SPDYE10: variants seen among roughly 807,000 people sequenced by gnomAD.
SPDYE10 encodes the protein speedy protein E10.
the SPDYE10 span, among the ~76,000 whole-genome samples, chr7:73,152,053 C>T: frequency 2.8e-5 from 4 of 142,702 alleles, no homozygotes; most frequent in Non-Finnish European, 4.5e-5. Flanking sequence ...CTCATTCTGT[C>T]GCCCAGGCTG....
chr7:73,152,040 A>T, the SPDYE10 span, among the ~76,000 whole-genome samples: 1 of 147,086 alleles, frequency 6.8e-6, no homozygotes. Context: ...TTTGAGGCAG[A>T]ATCTCATTCT....
At chr7:73,124,113 A>G in the SPDYE10 span, among the ~76,000 whole-genome samples, 9 of 147,606 alleles carry the variant, frequency 6.1e-5, no homozygotes, top group East Asian at 1.2e-3. Flanking sequence ...CTTCCTGTCC[A>G]TATCTGGCCT....
At chr7:73,128,086 G>T in the SPDYE10 span, among the ~76,000 whole-genome samples, 1 of 151,978 alleles carries the variant, frequency 6.6e-6, no homozygotes, top group African/African-American at 2.4e-5. Context: ...CAGGAGACTG[G>T]ATAAACAAAG....
the SPDYE10 span, among the ~76,000 whole-genome samples, chr7:73,145,037 G>A: frequency 8.0e-6 from 1 of 124,534 alleles, no homozygotes; most frequent in South Asian, 2.6e-4. Flanking sequence ...GAATTAATGA[G>A]TTAATATAAT....
the SPDYE10 span, chr7:73,154,900 A>AT: frequency 6.4e-6 from 1 of 156,022 alleles, no homozygotes; most frequent in Non-Finnish European, 1.4e-5. Context: ...GCGCATGCGC[A>AT]GCGGGGACCG....
the SPDYE10 span, among the ~76,000 whole-genome samples, chr7:73,142,946 G>GA: frequency 1.1e-3 from 158 of 141,814 alleles, no homozygotes; most frequent in African/African-American, 3.9e-3. Context: ...AAAAAAGAGA[G>GA]AGAGGGAGGG....
the SPDYE10 span, among the ~76,000 whole-genome samples, chr7:73,137,702 A>C: frequency 4.7e-5 from 1 of 21,080 alleles, no homozygotes. Flanking sequence ...AGGGGAAGGG[A>C]AAGGGAGGGG....
the SPDYE10 span, among the ~76,000 whole-genome samples, chr7:73,113,720 C>T: frequency 4.6e-5 from 7 of 152,102 alleles, no homozygotes; most frequent in Admixed American, 1.3e-4. Context: ...ATGGTGAAAC[C>T]GCATCTCTAC....
the SPDYE10 span, among the ~76,000 whole-genome samples, chr7:73,137,583 AAAG>A: frequency 1.4e-5 from 2 of 143,186 alleles, no homozygotes; most frequent in African/African-American, 5.4e-5. Flanking sequence ...AGAAAGAAAG[AAAG>A]AAGAGATGAA....
chr7:73,123,015 T>TG, the SPDYE10 span, among the ~76,000 whole-genome samples: 8 of 152,118 alleles, frequency 5.3e-5, no homozygotes, highest in Non-Finnish European at 7.3e-5. Flanking sequence ...TGCACAGCAC[T>TG]GAGGGCCACT....
chr7:73,149,313 A>T, the SPDYE10 span, among the ~76,000 whole-genome samples: 1 of 95,804 alleles, frequency 1.0e-5, no homozygotes, highest in Non-Finnish European at 2.2e-5. Context: ...CGGGGGACAG[A>T]GTCTCGCTCT....
At chr7:73,114,029 A>G in the SPDYE10 span, among the ~76,000 whole-genome samples, 7 of 115,194 alleles carry the variant, frequency 6.1e-5, no homozygotes, top group Admixed American at 6.3e-4. Flanking sequence ...CTCCGTCTCA[A>G]AAAAAAAAAA....
the SPDYE10 span, among the ~76,000 whole-genome samples, chr7:73,134,537 A>AAAAG: frequency 1.7e-4 from 24 of 139,514 alleles, no homozygotes; most frequent in African/African-American, 2.3e-4. Context: ...GAAAGAAAGA[A>AAAAG]AAAGAAAGAA....
the SPDYE10 span, among the ~76,000 whole-genome samples, chr7:73,137,552 G>C: frequency 1.4e-5 from 2 of 138,948 alleles, no homozygotes. Flanking sequence ...GAGAAAGAAA[G>C]AGAAAGAAAG....
chr7:73,128,344 C>T, the SPDYE10 span, among the ~76,000 whole-genome samples: 1 of 143,026 alleles, frequency 7.0e-6, no homozygotes, highest in African/African-American at 2.7e-5. Flanking sequence ...TCTTTGTGTA[C>T]AGTTTTGTGA....
the SPDYE10 span, among the ~76,000 whole-genome samples, chr7:73,116,969 C>G: frequency 6.6e-6 from 1 of 152,012 alleles, no homozygotes; most frequent in East Asian, 1.9e-4. Context: ...AATCTCGTCT[C>G]ACTATAACCT....
chr7:73,123,743 CCA>C, the SPDYE10 span, among the ~76,000 whole-genome samples: 6 of 150,668 alleles, frequency 4.0e-5, no homozygotes, highest in Admixed American at 4.0e-4. Flanking sequence ...CAGGCATGAG[CCA>C]CTGCGCCTGG....
the SPDYE10 span, among the ~76,000 whole-genome samples, chr7:73,113,920 G>A: frequency 1.3e-5 from 2 of 152,102 alleles, no homozygotes; most frequent in Non-Finnish European, 1.5e-5. Context: ...CAGCTACTCA[G>A]GAGGCTGAGG....
At chr7:73,116,515 A>ATAGCTCAC in the SPDYE10 span, among the ~76,000 whole-genome samples, 4 of 89,146 alleles carry the variant, frequency 4.5e-5, no homozygotes, top group Non-Finnish European at 8.5e-5. Context: ...TGGTGCCATC[A>ATAGCTCAC]TAGCTCACTG....
Sources: allele counts gnomAD v4.1 joint callset (sites outside exome capture counted in the v4.1 genomes callset), GRCh38; gene constraint gnomAD v4.1.1; transcripts MANE v1.5; gene names NCBI Gene and HGNC (gene_info 2026-07-23, HGNC 2026-07-21).